Variants in PKDREJ observed in about 807,000 individuals in gnomAD.
The protein encoded by PKDREJ is PKD and REJ homolog.
For missense variants in PKDREJ, 2,507 were observed against 2,807.2 expected (o/e 0.89, Z 2.42); for synonymous variants, 1,031 against 1,095.5 (o/e 0.94, Z 1.16).
chr22:46,259,644 A>G lies in PKDREJ; in HGVS notation c.3679T>C (p.Tyr1227His), dbSNP rs747893736. The change falls in exon 1 of 1, where the codon TAT (tyrosine) becomes CAT (histidine). Residue 1227 changes from tyrosine to histidine, a missense_variant. Tyr to His is a moderately conservative substitution (Grantham distance 83). Transcript: ENST00000253255. This position sits in a 1 kb window ranked among gnomAD's most constrained non-coding sequence, Gnocchi z 6.8. The part of the protein sequence containing the change: ...HVIVLPDNDP[Y>H]DNLCYLVTIF... ...GTCACCAAGTAGCATAAATTATCAT[A>G]AGGATCATTATCTGGTAGAACTATC... 6.2e-7 allele frequency: 1 copy of G among 1,614,140 alleles called. No individual in the cohort carries two copies. Among genetic ancestry groups the G allele is most frequent in the Non-Finnish European group, 8.5e-7 (1 of 1,180,022 alleles).
chr22:46,256,691 G>C lies in PKDREJ; in HGVS notation c.6632C>G (p.Ser2211Cys), dbSNP rs765118529. 1.7e-5 allele frequency: 27 copies of C among 1,614,060 alleles called. No individual in the cohort carries two copies. The East Asian group carries it at 6.0e-4, about 36-fold the overall frequency. The change falls in exon 1 of 1, where the codon TCT (serine) becomes TGT (cysteine). Residue 2211 changes from serine to cysteine, a missense_variant. Transcript: ENST00000253255. This position sits in a 1 kb window ranked among gnomAD's most constrained non-coding sequence, Gnocchi z 5.3. ...GAACTCAGGCTCATCTTTGGCCTTA[G>C]ATTGCGAGGTCAGAAAGCTGAACAT... ...RTMFSFLTSQ[S>C]KAKDEPEFFI...
In PKDREJ at chr22:46,261,118, T is replaced by C; in HGVS notation, c.2205A>G (p.Lys735=). The change falls in exon 1 of 1, where the codon AAA becomes AAG. Residue 735 remains lysine, a synonymous_variant. Coordinates refer to ENST00000253255, the MANE Select transcript of PKDREJ (RefSeq NM_006071.2). The surrounding 1 kb of genome is among the most constrained non-coding windows in gnomAD (Gnocchi z 7.1). ...PLRDDRVNLR[K]HLIDQSFLLP... is the part of the protein sequence containing the mutation. Reference sequence around the variant, plus strand: ...GAAGGAAAGACTGATCGATGAGGTGTTTTCGGAGATTGACTCTGTCATCTC... The same window carrying C: ...GAAGGAAAGACTGATCGATGAGGTGCTTTCGGAGATTGACTCTGTCATCTC... 6.2e-7 allele frequency: 1 copy of C among 1,614,176 alleles called. No individual in the cohort carries two copies. Among genetic ancestry groups the C allele is most frequent in the Non-Finnish European group, 8.5e-7 (1 of 1,180,022 alleles).
Position 46,257,538 on chromosome 22 carries a change from A to C in PKDREJ, c.5785T>G (p.Cys1929Gly), listed in dbSNP as rs1423482743. The change falls in exon 1 of 1, where the codon TGT becomes GGT. Residue 1929 changes from cysteine (C) to glycine (G), a missense_variant. Coordinates refer to ENST00000253255, the MANE Select transcript of PKDREJ (RefSeq NM_006071.2). The surrounding 1 kb of genome is among the most constrained non-coding windows in gnomAD (Gnocchi z 4.7). ...ACTTCAAATATGACCGAAATGCTAC[A>C]GAACAGATTTATATCTGGATTAAAA... Reference protein sequence around the residue: ...TTFNPDINLFCSISVIFEVSQ... With the variant: ...TTFNPDINLFGSISVIFEVSQ... 6.2e-7 allele frequency: 1 copy of C among 1,614,068 alleles called. No individual in the cohort carries two copies. The highest frequency in any genetic ancestry group is 1.3e-5 in the African/African-American group (1 of 74,950).
In PKDREJ at chr22:46,259,381, G is replaced by C. The variant is rs770724001; in HGVS notation, c.3942C>G (p.Ile1314Met). Residue 1314 changes from isoleucine (I) to methionine (M), a missense_variant, in exon 1 of 1, where the codon ATC becomes ATG. Physicochemically the swap from Ile to Met is conservative, Grantham distance 10 (BLOSUM62 1). Coordinates refer to ENST00000253255, the MANE Select transcript of PKDREJ (RefSeq NM_006071.2). The surrounding 1 kb of genome is among the most constrained non-coding windows in gnomAD (Gnocchi z 6.8). Reference protein sequence around the residue: ...GRSPSWYLSRIKVENLFSRHI... With the variant: ...GRSPSWYLSRMKVENLFSRHI... Reference sequence around the variant, plus strand: ...GCCTGCTAAACAGATTTTCCACTTTGATTCTACTTAAATACCAGCTAGGCG... The same window carrying C: ...GCCTGCTAAACAGATTTTCCACTTTCATTCTACTTAAATACCAGCTAGGCG... 6.2e-7 allele frequency: 1 copy of C among 1,614,166 alleles called. No individual in the cohort carries two copies. The highest frequency in any genetic ancestry group is 1.7e-5 in the Admixed American group (1 of 60,030).
At position 46,257,888 on chromosome 22, in the gene PKDREJ, A is replaced by C; in HGVS notation, c.5435T>G (p.Phe1812Cys). 1 of 1,614,162 alleles carries C rather than the reference A, an allele frequency of 6.2e-7. No individual in the cohort carries two copies. Among genetic ancestry groups the C allele is most frequent in the Non-Finnish European group, 8.5e-7 (1 of 1,180,036 alleles). Residue 1812 changes from phenylalanine to cysteine, a missense_variant, in exon 1 of 1, where the codon TTT becomes TGT. Transcript: ENST00000253255. The surrounding 1 kb of genome is among the most constrained non-coding windows in gnomAD (Gnocchi z 4.7). ...TTCTCTTCTGATGCTGTTTTGCACA[A>C]ACTTTTCGGCAGGTAGACACATTTT... Reference protein sequence around the residue: ...SEKMCLPAEKFVQNSIRREIH... With the variant: ...SEKMCLPAEKCVQNSIRREIH...
rs1393397682 is a variant in PKDREJ, at chr22:46,261,630, C to T, written c.1693G>A (p.Glu565Lys). 6.2e-7 allele frequency: 1 copy of T among 1,614,012 alleles called. No homozygotes were observed. The highest frequency in any genetic ancestry group is 1.7e-5 in the Admixed American group (1 of 60,020). ...CCTTTAGCTGGATTAATTTTGCATT[C>T]TCCGATCTGAGGGCCATGGTTAATA... is the stretch of plus-strand genomic sequence containing the variant. Reference protein sequence around the residue: ...FIINHGPQIGECKINPAKGIA... With the variant: ...FIINHGPQIGKCKINPAKGIA... Residue 565 changes from glutamate (E) to lysine (K), a missense_variant, in exon 1 of 1, where the codon GAA becomes AAA. Physicochemically the swap from Glu to Lys is moderately conservative, Grantham distance 56. Coordinates refer to ENST00000253255, the MANE Select transcript of PKDREJ (RefSeq NM_006071.2). The surrounding 1 kb of genome is among the most constrained non-coding windows in gnomAD (Gnocchi z 7.1).
chr22:46,256,858 G>A lies in PKDREJ; in HGVS notation c.6465C>T (p.Phe2155=), dbSNP rs148926592. The A allele has an allele frequency of 6.3e-5, 102 of 1,614,030 alleles. No homozygotes were observed. In the African/African-American group the frequency reaches 1.2e-3, roughly 19 times the overall value. ...TCAAGACGCAGATCATCACCAGCAT[G>A]AAAGATGAGAGGAACAGGACCCCCA... ...RILGVLFLSS[F]MLVMICVLIN... Residue 2155 remains phenylalanine, a synonymous_variant, in exon 1 of 1, where the codon TTC becomes TTT. Coordinates refer to ENST00000253255, the MANE Select transcript of PKDREJ (RefSeq NM_006071.2). This position sits in a 1 kb window ranked among gnomAD's most constrained non-coding sequence, Gnocchi z 5.3.
rs920374371 is a variant in PKDREJ at position 46,258,697 on chromosome 22, G to A, written c.4626C>T (p.Asn1542=). The A allele has an allele frequency of 1.2e-6, 2 of 1,614,066 alleles. No individual in the cohort carries two copies. Among genetic ancestry groups the A allele is most frequent in the African/African-American group, 2.7e-5 (2 of 74,912 alleles). ...GGACATCCTGATCATCTTCTATGTT[G>A]TTATTGGAATTTGTATTTGGCCCGA... ...ETLGPNTNSN[N]NIEDDQDVHS... is the part of the protein sequence containing the mutation. Residue 1542 remains asparagine, a synonymous_variant, in exon 1 of 1, where the codon AAC becomes AAT. Transcript: ENST00000253255. The surrounding 1 kb of genome is among the most constrained non-coding windows in gnomAD (Gnocchi z 6.1).
rs1475860721 is a variant in PKDREJ at position 46,256,064 on chromosome 22, AGAG to A, written c.*494_*496del. 1 of 153,794 alleles carries A rather than the reference AGAG, an allele frequency of 6.5e-6. No homozygotes were observed. The highest frequency in any genetic ancestry group is 1.4e-5 in the Non-Finnish European group (1 of 69,216). The allele number at this position is 153,794 out of a possible 1,614,324, so 9.5% of individuals were successfully genotyped here. On this transcript the variant is annotated 3_prime_UTR_variant, in exon 1 of 1. Coordinates refer to ENST00000253255, the MANE Select transcript of PKDREJ (RefSeq NM_006071.2). This position sits in a 1 kb window ranked among gnomAD's most constrained non-coding sequence, Gnocchi z 5.3. ...CGAGGCCCTAAGCCCAGGGGGAACA[AGAG>A]GAGGGGAGCCCTGGTCTACAAAGGG...
In PKDREJ at chr22:46,259,995, TC is replaced by T. The variant is rs1235222066; in HGVS notation, c.3327del (p.Ile1110SerfsTer28). On this transcript the variant is annotated frameshift_variant, in exon 1 of 1. Coordinates refer to ENST00000253255, the MANE Select transcript of PKDREJ (RefSeq NM_006071.2). LOFTEE classifies it low-confidence loss of function (END_TRUNC). This position sits in a 1 kb window ranked among gnomAD's most constrained non-coding sequence, Gnocchi z 6.8. ...IFSVQCLDMY[G>X]IQSEWREGYC... ...TAACCCTCTCTCCATTCACTCTGGA[TC>T]CCATACATGTCCAAGCACTGGACGC... The T allele has an allele frequency of 1.2e-6, 2 of 1,614,108 alleles. No individual in the cohort carries two copies. Among genetic ancestry groups the T allele is most frequent in the Admixed American group, 3.3e-5 (2 of 60,024 alleles).
rs757415536 is a variant in PKDREJ, at chr22:46,261,575, T to A, written c.1748A>T (p.Gln583Leu). ...GTGCTTATCCCTAAAATTACTACAC[T>A]GGACAACAAATTTAGTAATAAGTGC... ...GIALITKFVV[Q>L]CSNFRDKHVP... The change falls in exon 1 of 1, where the codon CAG becomes CTG. Residue 583 changes from glutamine (Q) to leucine (L), a missense_variant. By Grantham distance (113) the Gln-to-Leu change is moderately radical. Transcript: ENST00000253255. The surrounding 1 kb of genome is among the most constrained non-coding windows in gnomAD (Gnocchi z 7.1). The A allele has an allele frequency of 6.8e-6, 11 of 1,613,892 alleles. No homozygotes were observed. The highest frequency in any genetic ancestry group is 9.3e-6 in the Non-Finnish European group (11 of 1,179,900).
chr22:46,258,354 C>CA lies in PKDREJ; in HGVS notation c.4968dup (p.Glu1657Ter). On this transcript the variant is annotated frameshift_variant, in exon 1 of 1. Transcript: ENST00000253255. LOFTEE classifies it low-confidence loss of function (END_TRUNC). This position sits in a 1 kb window ranked among gnomAD's most constrained non-coding sequence, Gnocchi z 6.1. ...ATACGCATTCCATCCAACCTGATCTCAGTATATTTATACTTGGTTGACCAT... is the reference window on the plus strand; with the variant it reads ...ATACGCATTCCATCCAACCTGATCTCAAGTATATTTATACTTGGTTGACCAT... The CA allele has an allele frequency of 6.2e-7, 1 of 1,614,126 alleles. No individual in the cohort carries two copies. The highest frequency in any genetic ancestry group is 8.5e-7 in the Non-Finnish European group (1 of 1,180,036).
In PKDREJ at chr22:46,263,290, G is replaced by C; in HGVS notation, c.33C>G (p.Gly11=). The change falls in exon 1 of 1, where the codon GGC becomes GGG. Residue 11 remains glycine, a synonymous_variant. Coordinates refer to ENST00000253255, the MANE Select transcript of PKDREJ (RefSeq NM_006071.2). The surrounding 1 kb of genome is among the most constrained non-coding windows in gnomAD (Gnocchi z 9.4). ...GGCCGACGCTCAGGCTCAGGCCCAC[G>C]CCCAGAAGGAGGAGAGCGGGCCCAG... MRPGPALLLL[G]VGLSLSVGRL... 1 of 1,453,602 alleles carries C rather than the reference G, an allele frequency of 6.9e-7. No homozygotes were observed. The highest frequency in any genetic ancestry group is 9.0e-7 in the Non-Finnish European group (1 of 1,110,048). The allele number at this position is 1,453,602 out of a possible 1,614,324, so 90.0% of individuals were successfully genotyped here.
At position 46,256,882 on chromosome 22, in the gene PKDREJ, C is replaced by T. The variant is rs572594111; in HGVS notation, c.6441G>A (p.Leu2147=). ...QNTEFSNNRI[L]GVLFLSSFML... ...TGAAAGATGAGAGGAACAGGACCCCCAGAATCCTGTTATTGGAAAATTCAG... is the reference window on the plus strand; with the variant it reads ...TGAAAGATGAGAGGAACAGGACCCCTAGAATCCTGTTATTGGAAAATTCAG... The change falls in exon 1 of 1, where the codon CTG becomes CTA. Residue 2147 remains leucine, a synonymous_variant. Coordinates refer to ENST00000253255, the MANE Select transcript of PKDREJ (RefSeq NM_006071.2). This position sits in a 1 kb window ranked among gnomAD's most constrained non-coding sequence, Gnocchi z 5.3. The T allele has an allele frequency of 8.7e-6, 14 of 1,614,010 alleles. No individual in the cohort carries two copies. Among genetic ancestry groups the T allele is most frequent in the East Asian group, 4.5e-5 (2 of 44,886 alleles).
rs148804315 is a variant in PKDREJ, at chr22:46,261,550, G to A, written c.1773C>T (p.His591=). The change falls in exon 1 of 1, where the codon CAC becomes CAT. Residue 591 remains histidine (H), a synonymous_variant. Coordinates refer to ENST00000253255, the MANE Select transcript of PKDREJ (RefSeq NM_006071.2). The surrounding 1 kb of genome is among the most constrained non-coding windows in gnomAD (Gnocchi z 7.1). ...CAATTATTTTATATGTAAGAGGGACGTGCTTATCCCTAAAATTACTACACT... is the reference window on the plus strand; with the variant it reads ...CAATTATTTTATATGTAAGAGGGACATGCTTATCCCTAAAATTACTACACT... ...VVQCSNFRDK[H]VPLTYKIIVS... The A allele has an allele frequency of 1.2e-4, 201 of 1,614,026 alleles. No individual in the cohort carries two copies. The highest frequency in any genetic ancestry group is 9.3e-4 in the African/African-American group (70 of 75,022).
chr22:46,262,092 C>G lies in PKDREJ; in HGVS notation c.1231G>C (p.Ala411Pro). 6.2e-7 allele frequency: 1 copy of G among 1,614,158 alleles called. No homozygotes were observed. The highest frequency in any genetic ancestry group is 1.1e-5 in the South Asian group (1 of 91,074). ...PEQANLKWPWASGPVLTLLPE... is the reference protein window; with the variant it reads ...PEQANLKWPWPSGPVLTLLPE... ...AAAAGTGTCAGTACAGGGCCCGAGG[C>G]CCAGGGCCATTTCAGATTGGCCTGC... Residue 411 changes from alanine (A) to proline (P), a missense_variant, in exon 1 of 1, where the codon GCC becomes CCC. By Grantham distance (27) the Ala-to-Pro change is conservative (BLOSUM62 -1). Transcript: ENST00000253255. This position sits in a 1 kb window ranked among gnomAD's most constrained non-coding sequence, Gnocchi z 8.1.
In PKDREJ at chr22:46,259,977, C is replaced by T; in HGVS notation, c.3346G>A (p.Glu1116Lys). The change falls in exon 1 of 1, where the codon GAG becomes AAG. Residue 1116 changes from glutamate to lysine, a missense_variant. Coordinates refer to ENST00000253255, the MANE Select transcript of PKDREJ (RefSeq NM_006071.2). This position sits in a 1 kb window ranked among gnomAD's most constrained non-coding sequence, Gnocchi z 6.8. ...DMYGIQSEWREGYCILGEKTS... is the reference protein window; with the variant it reads ...DMYGIQSEWRKGYCILGEKTS... ...TTCTCACCAAGAATGCAATAACCCTCTCTCCATTCACTCTGGATCCCATAC... is the reference window on the plus strand; with the variant it reads ...TTCTCACCAAGAATGCAATAACCCTTTCTCCATTCACTCTGGATCCCATAC... 6.2e-7 allele frequency: 1 copy of T among 1,614,186 alleles called. No individual in the cohort carries two copies. Among genetic ancestry groups the T allele is most frequent in the Non-Finnish European group, 8.5e-7 (1 of 1,180,036 alleles).
rs1319289585 is a variant in PKDREJ, at chr22:46,257,224, G to A, written c.6099C>T (p.Asn2033=). ...CATGAAAGGGAATGAAGTCTTCTGGGTTCGACAAGTAAAACCGAATTATGC... is the reference window on the plus strand; with the variant it reads ...CATGAAAGGGAATGAAGTCTTCTGGATTCGACAAGTAAAACCGAATTATGC... The part of the protein sequence containing the change: ...ATGIIRFYLS[N]PEDFIPFHAV... The change falls in exon 1 of 1, where the codon AAC becomes AAT. Residue 2033 remains asparagine (N), a synonymous_variant. Transcript: ENST00000253255. The surrounding 1 kb of genome is among the most constrained non-coding windows in gnomAD (Gnocchi z 4.7). 6.2e-7 allele frequency: 1 copy of A among 1,613,954 alleles called. No homozygotes were observed. The highest frequency in any genetic ancestry group is 1.3e-5 in the African/African-American group (1 of 74,934).
rs916355431 is a variant in PKDREJ at position 46,256,299 on chromosome 22, T to G, written c.*262A>C. On this transcript the variant is annotated 3_prime_UTR_variant, in exon 1 of 1. Transcript: ENST00000253255. The surrounding 1 kb of genome is among the most constrained non-coding windows in gnomAD (Gnocchi z 5.3). ...GGTTGCCCTTGTACGGGGAGTCACA[T>G]AACTCCCCTCTAAAGGGAAATCAGT... The G allele has an allele frequency of 6.1e-6, 3 of 493,204 alleles. No homozygotes were observed. The highest frequency in any genetic ancestry group is 5.8e-5 in the African/African-American group (3 of 51,302). The allele number at this position is 493,204 out of a possible 1,614,324, so 30.6% of individuals were successfully genotyped here.
Sources: gnomAD v4.1 joint callset for allele counts on GRCh38, gnomAD v4.1.1 for gene constraint, Gnocchi (gnomAD v3.1) non-coding constraint, MANE v1.5 for transcripts, NCBI Gene and HGNC (gene_info 2026-07-23, HGNC 2026-07-21) for gene names.